LITAF: variants seen among roughly 807,000 people sequenced by gnomAD.
LITAF encodes the protein lipopolysaccharide induced TNF factor.
In LITAF, 9 loss-of-function variants were observed where a neutral mutation model predicts 14.5. That is an observed-to-expected ratio of 0.62 (90% CI 0.37 to 1.08). The LOEUF is 1.08. LITAF is among the 50% of genes least tolerant of loss of function. LITAF has a pLI of 0.01. For missense variants in LITAF, 206 were observed against 213.4 expected (o/e 0.97, Z 0.22); for synonymous variants, 98 against 88.2 (o/e 1.11, Z -0.62).
chr16:11,613,733 C>T (rs916781050), intron 3 of LITAF, among the ~76,000 whole-genome samples: 18 of 152,218 alleles, frequency 1.2e-4, no homozygotes, highest in Admixed American at 2.6e-4. Flanking sequence ...TGGCGTGTGC[C>T]GGCTAGGCAG....
intron 3 of LITAF, among the ~76,000 whole-genome samples, chr16:11,614,247 GCCTTCT>G (rs201422361): frequency 2.4e-4 from 37 of 151,872 alleles, no homozygotes; most frequent in South Asian, 1.0e-3. Flanking sequence ...CCTTCTGGAG[GCCTTCT>G]CCTTCTCCTT....
At position 11,558,973 on chromosome 16, in the gene LITAF, C is replaced by T. The variant is rs2141728604; in HGVS notation, c.-5-2238G>A. Among the ~76,000 whole-genome samples, 1 of 151,878 alleles carries T rather than the reference C, an allele frequency of 6.6e-6. No homozygotes were observed. The highest frequency in any genetic ancestry group is 2.1e-4 in the South Asian group (1 of 4,800). On this transcript the variant is annotated intron_variant, in intron 1 of 3. Coordinates refer to ENST00000622633, the MANE Select transcript of LITAF (RefSeq NM_001136472.2). This position sits in a 1 kb window ranked among gnomAD's most constrained non-coding sequence, Gnocchi z 4.1. Reference sequence around the variant, plus strand: ...GTCTAAAATGTGGCTTGTGGCCGGGCACGGGGGCTCATGACTGCAATCCCA... The same window carrying T: ...GTCTAAAATGTGGCTTGTGGCCGGGTACGGGGGCTCATGACTGCAATCCCA...
intron 3 of LITAF, among the ~76,000 whole-genome samples, chr16:11,619,157 A>T (rs1187989817): frequency 6.7e-6 from 1 of 149,932 alleles, no homozygotes. Flanking sequence ...CTAAAAATAC[A>T]AAATTTAGCT....
intron 1 of LITAF, among the ~76,000 whole-genome samples, chr16:11,568,704 G>C (rs1391584729): frequency 7.8e-6 from 1 of 128,140 alleles, no homozygotes; most frequent in Non-Finnish European, 1.6e-5. Context: ...TTTTGAGATA[G>C]AGTCTCATTC....
intron 1 of LITAF, among the ~76,000 whole-genome samples, chr16:11,560,938 C>G (rs1357397126): frequency 2.0e-5 from 3 of 152,172 alleles, no homozygotes; most frequent in Non-Finnish European, 4.4e-5. Context: ...CAGCTTGCCC[C>G]TAAACTCAGC....
chr16:11,578,420 A>G (rs2064678083), intron 1 of LITAF, among the ~76,000 whole-genome samples: 1 of 152,028 alleles, frequency 6.6e-6, no homozygotes, highest in Admixed American at 6.6e-5. Context: ...AATCCCAGCT[A>G]CTCAGGAGGC....
chr16:11,574,488 T>C (rs1284459207), intron 1 of LITAF, among the ~76,000 whole-genome samples: 3 of 152,228 alleles, frequency 2.0e-5, no homozygotes. Flanking sequence ...TGCTGGTCTT[T>C]TGTATGTTAA....
Position 11,548,005 on chromosome 16 carries a change from G to A in LITAF, c.*1632C>T, listed in dbSNP as rs74808365. On this transcript the variant is annotated 3_prime_UTR_variant, in exon 4 of 4. Transcript: ENST00000622633. ...AAAGAACTCATAAATAGTTCACCGG[G>A]TGAACCAAAGACTTTATTTTTCAAA... 1 of 454,068 alleles carries A rather than the reference G, an allele frequency of 2.2e-6. No homozygotes were observed. The highest frequency in any genetic ancestry group is 1.6e-5 in the South Asian group (1 of 64,480). 28.1% of individuals were successfully genotyped at this position (454,068 alleles called of 1,614,324 possible).
intron 3 of LITAF, among the ~76,000 whole-genome samples, chr16:11,626,732 A>C (rs1272083289): frequency 6.6e-6 from 1 of 152,200 alleles, no homozygotes; most frequent in African/African-American, 2.4e-5. Flanking sequence ...TTGGCCTCCC[A>C]AAGTGCTAGG....
At chr16:11,613,756 G>T (rs1052424351) in intron 3 of LITAF, among the ~76,000 whole-genome samples, 1 of 152,128 alleles carries the variant, frequency 6.6e-6, no homozygotes, top group East Asian at 1.9e-4. Flanking sequence ...CACACTGGTG[G>T]AACCGAGGGC....
chr16:11,601,751 G>A (rs1013587894), upstream of LITAF, among the ~76,000 whole-genome samples: 2 of 152,110 alleles, frequency 1.3e-5, no homozygotes, highest in East Asian at 3.9e-4. Context: ...GTAGAGACGG[G>A]GTTTTACCAT....
chr16:11,555,900 G>T (rs2064260742), intron 2 of LITAF, among the ~76,000 whole-genome samples: 1 of 152,144 alleles, frequency 6.6e-6, no homozygotes, highest in Admixed American at 6.6e-5. Flanking sequence ...GGAAGCTGAG[G>T]CACAAGGAGG....
At chr16:11,627,877 C>T (rs916418607) in intron 3 of LITAF, among the ~76,000 whole-genome samples, 18 of 151,746 alleles carry the variant, frequency 1.2e-4, no homozygotes, top group Admixed American at 5.3e-4. Context: ...ATTAGCCGGG[C>T]GTGGTACCAC....
chr16:11,599,693 C>T (rs912001921), upstream of LITAF, among the ~76,000 whole-genome samples: 1 of 152,164 alleles, frequency 6.6e-6, no homozygotes, highest in African/African-American at 2.4e-5. Context: ...CTGTGTTACC[C>T]TAAGCCTCGT....
At chr16:11,631,376 C>T (rs1490441553) in intron 3 of LITAF, among the ~76,000 whole-genome samples, 2 of 152,084 alleles carry the variant, frequency 1.3e-5, no homozygotes, top group Non-Finnish European at 2.9e-5. Flanking sequence ...GGGCTGGGGG[C>T]TGCAACACTC....
At chr16:11,576,415 G>A (rs2064635082) in intron 1 of LITAF, among the ~76,000 whole-genome samples, 1 of 151,858 alleles carries the variant, frequency 6.6e-6, no homozygotes, top group South Asian at 2.1e-4. Context: ...GTTGCAGTGA[G>A]CTGAGATCGC....
At chr16:11,551,058 T>G (rs1259603485) in intron 3 of LITAF, among the ~76,000 whole-genome samples, 1 of 152,186 alleles carries the variant, frequency 6.6e-6, no homozygotes, top group Non-Finnish European at 1.5e-5. Context: ...AATCCACCTT[T>G]GGCACACACA....
At chr16:11,560,531 T>C (rs1316237247) in intron 1 of LITAF, among the ~76,000 whole-genome samples, 2 of 149,694 alleles carry the variant, frequency 1.3e-5, no homozygotes, top group African/African-American at 4.9e-5. Flanking sequence ...TGCAGCGAGC[T>C]GAGATCACAC....
chr16:11,554,414 C>A (rs1001058065), intron 2 of LITAF, among the ~76,000 whole-genome samples: 2 of 152,018 alleles, frequency 1.3e-5, no homozygotes, highest in Admixed American at 6.6e-5. Context: ...TGTGTTGATA[C>A]AAGAAATGAA....
Sources: allele counts gnomAD v4.1 joint callset (sites outside exome capture counted in the v4.1 genomes callset), GRCh38; gene constraint gnomAD v4.1.1; non-coding constraint Gnocchi (gnomAD v3.1); transcripts MANE v1.5; gene names NCBI Gene and HGNC (gene_info 2026-07-23, HGNC 2026-07-21).